The following DHX38 variants were observed in gnomAD, a reference collection of about 807,000 sequenced individuals.
DHX38 encodes the protein DEAH-box helicase 38.
A neutral mutation model predicts 153.1 loss-of-function variants in DHX38; 100 were observed. That is an observed-to-expected ratio of 0.65 (90% confidence interval 0.56 to 0.77). DHX38 has a LOEUF of 0.77. Among genes scored for constraint, DHX38 ranks in the 30% least tolerant of loss-of-function variants. The pLI is 0.00. For missense variants in DHX38, 1,440 were observed against 1,654.0 expected, an observed-to-expected ratio of 0.87 and a Z score of 2.24; for synonymous variants, 650 against 631.7, an observed-to-expected ratio of 1.03 and a Z score of -0.43.
At position 72,101,601 on chromosome 16, in the gene DHX38, G is replaced by A; in HGVS notation, c.1488G>A (p.Lys496=). 6.4e-7 allele frequency: 1 copy of A among 1,551,666 alleles called. No homozygotes were observed. Among genetic ancestry groups the A allele is most frequent in the African/African-American group, 1.4e-5 (1 of 73,188 alleles). ...ATAAAGCTGTGACGGAGGATGGGAA[G>A]GTGGACTACAGGTGGGCAGCCTCAG... ...EPDKAVTEDG[K]VDYRTEQKFA... Residue 496 remains lysine (K), a synonymous_variant, in exon 11 of 27, where the codon AAG becomes AAA. Coordinates refer to ENST00000268482, the MANE Select transcript of DHX38 (RefSeq NM_014003.4).
intron 9 of DHX38, 30 bp from the exon 10 acceptor site, chr16:72,101,056 G>A (rs747773124): frequency 1.6e-5 from 26 of 1,604,646 alleles, no homozygotes; most frequent in Non-Finnish European, 2.0e-5. Flanking sequence ...TGATTTTAAC[G>A]GGCATCGCTC....
intron 25 of DHX38, 134 bp from the exon 26 acceptor site, chr16:72,110,822 T>G (rs1242684798): frequency 2.2e-5 from 28 of 1,255,530 alleles, no homozygotes; most frequent in Non-Finnish European, 2.7e-5. Context: ...GCTTTGGTAC[T>G]GGGGCAGGCA....
intron 1 of DHX38, among the ~76,000 whole-genome samples, chr16:72,095,470 A>G (rs1462559117): frequency 6.6e-6 from 1 of 152,216 alleles, no homozygotes; most frequent in Non-Finnish European, 1.5e-5. Context: ...AAAGAGAGGA[A>G]GAGGTAGAAC....
chr16:72,103,669 C>T lies in DHX38; in HGVS notation c.1705C>T (p.Leu569=), dbSNP rs767675217. The change falls in exon 13 of 27, where the codon CTG becomes TTG. Residue 569 remains leucine (L), a synonymous_variant. Transcript: ENST00000268482. ...TAAGACCACTCAGCTGACGCAGTAC[C>T]TGCATGAAGATGGTTACACGGACTA... ...SGKTTQLTQY[L]HEDGYTDYGM... 6 of 1,614,086 alleles carry T rather than the reference C, an allele frequency of 3.7e-6. No individual in the cohort carries two copies. In the South Asian group the frequency reaches 5.5e-5, roughly 15 times the overall value.
chr16:72,103,798 C>G lies in DHX38; in HGVS notation c.1824+10C>G. 1 of 1,607,360 alleles carries G rather than the reference C, an allele frequency of 6.2e-7. No homozygotes were observed. The highest frequency in any genetic ancestry group is 8.5e-7 in the Non-Finnish European group (1 of 1,174,458). Reference sequence around the variant, plus strand: ...AAACCTTGGCGAGGAGGTGAGTGGGCGTGGGGGCTGAGCCATGTAGTTATT... The same window carrying G: ...AAACCTTGGCGAGGAGGTGAGTGGGGGTGGGGGCTGAGCCATGTAGTTATT... On this transcript the variant is annotated intron_variant, in intron 13 of 26. Coordinates refer to ENST00000268482, the MANE Select transcript of DHX38 (RefSeq NM_014003.4).
In DHX38 at chr16:72,109,511, G is replaced by T. The variant is rs1229623264; in HGVS notation, c.3477+1G>T. The T allele has an allele frequency of 6.2e-7, 1 of 1,611,092 alleles. No individual in the cohort carries two copies. The highest frequency in any genetic ancestry group is 1.7e-5 in the Admixed American group (1 of 59,636). ...GAAACAGGCGGGCAAGTCACGGCAG[G>T]TGAGGATTCTGTGCTCTTCGCAGGG... On this transcript the variant is annotated splice_donor_variant, in intron 25 of 26. Transcript: ENST00000268482. LOFTEE classifies it high-confidence loss of function.
Position 72,108,338 on chromosome 16 carries a change from A to G in DHX38, c.3076A>G (p.Ile1026Val), listed in dbSNP as rs759434051. The G allele has an allele frequency of 4.3e-6, 7 of 1,614,216 alleles. No individual in the cohort carries two copies. In the Admixed American group the frequency reaches 5.0e-5, roughly 12 times the overall value. Residue 1026 changes from isoleucine to valine, a missense_variant, in exon 22 of 27, where the codon ATC (isoleucine) becomes GTC (valine). By Grantham distance (29) the Ile-to-Val change is conservative (BLOSUM62 3). This residue lies in a region of DHX38 where 543 missense variants were observed against 717.9 expected (regional missense o/e 0.76). Coordinates refer to ENST00000268482, the MANE Select transcript of DHX38 (RefSeq NM_014003.4). ...GTGGAAGAACAATAATTACTCCACC[A>G]TCTGGTGTAACGATCATTTCATCCA... Reference protein sequence around the residue: ...LQWKNNNYSTIWCNDHFIHAK... With the variant: ...LQWKNNNYSTVWCNDHFIHAK...
chr16:72,106,101 C>T lies in DHX38; in HGVS notation c.2584C>T (p.Pro862Ser). Residue 862 changes from proline to serine, a missense_variant, in exon 19 of 27, where the codon CCA (proline) becomes TCA (serine). Coordinates refer to ENST00000268482, the MANE Select transcript of DHX38 (RefSeq NM_014003.4). ...GTCAGGGCGAGCCGGCAGGACGGGC[C>T]CAGGTCAGTGTTTCAGGTAGGAGCC... Reference protein sequence around the residue: ...QRSGRAGRTGPGQCFRLYTQS... With the variant: ...QRSGRAGRTGSGQCFRLYTQS... The T allele has an allele frequency of 6.2e-7, 1 of 1,614,176 alleles. No homozygotes were observed. Among genetic ancestry groups the T allele is most frequent in the African/African-American group, 1.3e-5 (1 of 75,064 alleles).
rs1302241979 is a variant in DHX38 at position 72,111,020 on chromosome 16, A to G, written c.3542A>G (p.Glu1181Gly). ...GAGGAGGAGATGGCGCTGGCCGAGG[A>G]GCAGCTGCGAGCCCGGCGGCAGGAG... Reference protein sequence around the residue: ...AMEEEMALAEEQLRARRQEQE... With the variant: ...AMEEEMALAEGQLRARRQEQE... The change falls in exon 26 of 27, where the codon GAG (glutamate) becomes GGG (glycine). Residue 1181 changes from glutamate to glycine, a missense_variant. By Grantham distance (98) the Glu-to-Gly change is moderately conservative (BLOSUM62 -2). This residue lies in a region of DHX38 where 75 missense variants were observed against 69.5 expected (regional missense o/e 1.08). Coordinates refer to ENST00000268482, the MANE Select transcript of DHX38 (RefSeq NM_014003.4). 6 of 1,584,124 alleles carry G rather than the reference A, an allele frequency of 3.8e-6. No homozygotes were observed. The highest frequency in any genetic ancestry group is 5.1e-6 in the Non-Finnish European group (6 of 1,165,106).
intron 24 of DHX38, among the ~76,000 whole-genome samples, chr16:72,109,186 G>A (rs2042225271): frequency 1.3e-5 from 2 of 152,216 alleles, no homozygotes; most frequent in African/African-American, 4.8e-5. Context: ...CCCTCTTGGT[G>A]TCATTAGAAG....
chr16:72,108,985 C>T (rs1024127275), intron 24 of DHX38, 60 bp downstream of exon 24: 46 of 1,532,548 alleles, frequency 3.0e-5, no homozygotes, highest in Non-Finnish European at 3.5e-5. Flanking sequence ...GGCTTTGAAA[C>T]CCTTCACTGC....
Position 72,108,529 on chromosome 16 carries a change from G to C in DHX38, c.3177G>C (p.Leu1059=). The change falls in exon 23 of 27, where the codon CTG becomes CTC. Residue 1059 remains leucine (L), a synonymous_variant. Coordinates refer to ENST00000268482, the MANE Select transcript of DHX38 (RefSeq NM_014003.4). The part of the protein sequence containing the change: ...KDIMVQQRMS[L]ASCGTDWDIV... The stretch of plus-strand genomic sequence containing the variant: ...TCATGGTGCAGCAGCGGATGAGCCT[G>C]GCCTCGTGTGGCACTGACTGGGACA... The C allele has an allele frequency of 6.2e-7, 1 of 1,614,150 alleles. No homozygotes were observed. The highest frequency in any genetic ancestry group is 1.1e-5 in the South Asian group (1 of 91,082).
chr16:72,096,075 A>T, intron 1 of DHX38, 64 bp from the exon 2 acceptor site: 1 of 1,484,048 alleles, frequency 6.7e-7, no homozygotes, highest in South Asian at 1.3e-5. Flanking sequence ...CCATAACTGC[A>T]TTTATTGTGG....
Position 72,096,769 on chromosome 16 carries a change from G to A in DHX38, c.324-53G>A, listed in dbSNP as rs546446584. 3.9e-6 allele frequency: 6 copies of A among 1,556,582 alleles called. No individual in the cohort carries two copies. The African/African-American group carries it at 8.2e-5, about 21-fold the overall frequency. On this transcript the variant is annotated intron_variant, in intron 2 of 26. Transcript: ENST00000268482. ...TGTTTGGACAGCCAAAGGTTTTAGG[G>A]CAGAGTTTTTCTCCTATGGAGGGGC...
At position 72,099,009 on chromosome 16, in the gene DHX38, C is replaced by T. The variant is rs1179108545; in HGVS notation, c.847C>T (p.His283Tyr). The T allele has an allele frequency of 1.2e-6, 2 of 1,613,186 alleles. No homozygotes were observed. Among genetic ancestry groups the T allele is most frequent in the Non-Finnish European group, 1.7e-6 (2 of 1,180,034 alleles). ...TAACGAGTGGGCCGATGACAGAAGA[C>T]ACTTGGGGTCCACCCCGCGTCTGTC... ...KYNEWADDRR[H>Y]LGSTPRLSRG... The change falls in exon 6 of 27, where the codon CAC becomes TAC. Residue 283 changes from histidine to tyrosine, a missense_variant. By Grantham distance (83) the His-to-Tyr change is moderately conservative. Transcript: ENST00000268482.
In DHX38 at chr16:72,104,355, G is replaced by A; in HGVS notation, c.2011-131G>A. On this transcript the variant is annotated intron_variant, in intron 14 of 26. Transcript: ENST00000268482. This position sits in a 1 kb window ranked among gnomAD's most constrained non-coding sequence, Gnocchi z 4.5. ...GTGGCTCCATTGCTTCAGTCTTCATGATTGGTAAGAATTGAATAGGCCCAT... is the reference window on the plus strand; with the variant it reads ...GTGGCTCCATTGCTTCAGTCTTCATAATTGGTAAGAATTGAATAGGCCCAT... 1 of 1,340,402 alleles carries A rather than the reference G, an allele frequency of 7.5e-7. No individual in the cohort carries two copies. Among genetic ancestry groups the A allele is most frequent in the Non-Finnish European group, 1.0e-6 (1 of 996,288 alleles). The allele number at this position is 1,340,402 out of a possible 1,614,324, so 83.0% of individuals were successfully genotyped here. A position where few individuals can be genotyped will look rare whatever the true frequency, so the allele number is the denominator to read the frequency against.
intron 3 of DHX38, 71 bp downstream of exon 3, chr16:72,097,080 A>G: frequency 2.6e-6 from 4 of 1,515,018 alleles, no homozygotes; most frequent in Non-Finnish European, 3.6e-6. Context: ...TTCTTGTTGC[A>G]GGAGTTTTTG....
At chr16:72,099,351 G>A (rs1031064508) in intron 7 of DHX38, 71 bp downstream of exon 7, 2 of 1,393,608 alleles carry the variant, frequency 1.4e-6, no homozygotes, top group East Asian at 4.9e-5. Context: ...CCTCTAGCAG[G>A]ACTGGGCTTT....
chr16:72,099,949 A>G, intron 8 of DHX38, 62 bp downstream of exon 8: 1 of 1,541,682 alleles, frequency 6.5e-7, no homozygotes, highest in Non-Finnish European at 8.8e-7. Context: ...GTGGGGAAGC[A>G]GCAGGTTATC....
Sources: allele counts gnomAD v4.1 joint callset (sites outside exome capture counted in the v4.1 genomes callset), GRCh38; gene constraint gnomAD v4.1.1; regional missense constraint gnomAD v4.1.1; non-coding constraint Gnocchi (gnomAD v3.1); transcripts MANE v1.5; gene names NCBI Gene and HGNC (gene_info 2026-07-23, HGNC 2026-07-21).